SNX20: variants seen among roughly 807,000 people sequenced by gnomAD.
SNX20 encodes the protein sorting nexin 20, also known as sorting nexin-20.
In SNX20, 21 loss-of-function variants were observed where a neutral mutation model predicts 24.5. The observed-to-expected ratio is 0.86, with a 90% confidence interval of 0.61 to 1.23. SNX20 has a LOEUF of 1.23. SNX20 is among the 50% of genes most tolerant of loss of function. SNX20 has a pLI of 0.00. For synonymous variants in SNX20, 206 were observed against 192.8 expected (o/e 1.07, Z -0.57); for missense variants, 433 against 430.8 (o/e 1.00, Z -0.04).
chr16:50,667,963 G>T (rs1023055368), downstream of SNX20: 2 of 1,526,220 alleles, frequency 1.3e-6, no homozygotes, highest in Admixed American at 2.0e-5. Flanking sequence ...ACATACTGCG[G>T]CTTCAGGCTT....
At chr16:50,667,992 C>A, downstream of SNX20, 1 of 1,550,690 alleles carries the variant, frequency 6.4e-7, no homozygotes, top group South Asian at 1.2e-5. Context: ...CCAGAACGCT[C>A]GCTCCATCTG....
chr16:50,675,976 T>C, intron 2 of SNX20, 55 bp from the exon 3 acceptor site: 1 of 1,536,112 alleles, frequency 6.5e-7, no homozygotes, highest in East Asian at 2.3e-5. Flanking sequence ...TTCCGAGGCA[T>C]GGGCTTGGGG....
downstream of SNX20, chr16:50,668,974 C>T: frequency 3.2e-6 from 5 of 1,544,232 alleles, no homozygotes; most frequent in South Asian, 2.4e-5. Flanking sequence ...CACCCCTAGG[C>T]CCAGCTGGAT....
chr16:50,673,855 G>T lies in SNX20; in HGVS notation c.502C>A (p.Leu168Ile), dbSNP rs770169868. 1 of 1,604,464 alleles carries T rather than the reference G, an allele frequency of 6.2e-7. No homozygotes were observed. Among genetic ancestry groups the T allele is most frequent in the Admixed American group, 1.7e-5 (1 of 59,780 alleles). Residue 168 changes from leucine to isoleucine, a missense_variant, in exon 4 of 4, where the codon CTC becomes ATC. Transcript: ENST00000330943. The surrounding 1 kb of genome is among the most constrained non-coding windows in gnomAD (Gnocchi z 4.1). ...RRALQEYLGL[L>I]YAIRCVRRSR... ...CGGCGCACGCAGCGGATGGCGTAGA[G>T]CAGGCCCAGGTACTCCTGCAGGGCG...
At position 50,677,388 on chromosome 16, in the gene SNX20, C is replaced by T. The variant is rs1056474555; in HGVS notation, c.130+9G>A. 2.2e-5 allele frequency: 34 copies of T among 1,579,126 alleles called. No homozygotes were observed. The highest frequency in any genetic ancestry group is 2.8e-5 in the Non-Finnish European group (32 of 1,161,826). On this transcript the variant is annotated intron_variant, in intron 2 of 3. Transcript: ENST00000330943. ...CTCCCCCAGACCGAGTCTCAAGCCTCAAGCCCACCTAAGTGCCCGTCAGGT... is the reference window on the plus strand; with the variant it reads ...CTCCCCCAGACCGAGTCTCAAGCCTTAAGCCCACCTAAGTGCCCGTCAGGT...
At chr16:50,670,297 T>TTCAACACTGGGCTTC (rs1963014049), downstream of SNX20, 1 of 152,142 alleles carries the variant, frequency 6.6e-6, no homozygotes, top group Non-Finnish European at 1.5e-5. Flanking sequence ...TTCAAGTCAG[T>TTCAACACTGGGCTTC]TCAACACTGG....
At chr16:50,678,272 C>CAA (rs1204415212) in intron 1 of SNX20, among the ~76,000 whole-genome samples, 1 of 152,186 alleles carries the variant, frequency 6.6e-6, no homozygotes, top group East Asian at 1.9e-4. Context: ...ATCAATCAAT[C>CAA]AATAATCTAT....
intron 2 of SNX20, among the ~76,000 whole-genome samples, chr16:50,676,146 C>A (rs1298580806): frequency 6.6e-6 from 1 of 152,000 alleles, no homozygotes; most frequent in Non-Finnish European, 1.5e-5. Flanking sequence ...CCCAAATAGC[C>A]CATCACCCCC....
rs1232402501 is a variant in SNX20, at chr16:50,673,439, C to T, written c.918G>A (p.Leu306=). 1 of 1,588,756 alleles carries T rather than the reference C, an allele frequency of 6.3e-7. No homozygotes were observed. Among genetic ancestry groups the T allele is most frequent in the South Asian group, 1.1e-5 (1 of 87,978 alleles). The change falls in exon 4 of 4, where the codon CTG becomes CTA. Residue 306 remains leucine (L), a synonymous_variant. Transcript: ENST00000330943. This position sits in a 1 kb window ranked among gnomAD's most constrained non-coding sequence, Gnocchi z 4.1. The part of the protein sequence containing the change: ...LRRPTPRGIT[L]KELTVREYLH ...GGTATTCTCGCACAGTGAGCTCCTT[C>T]AGGGTGATGCCTCGGGGCGTGGGCC...
chr16:50,670,191 G>C (rs926222797), downstream of SNX20: 5 of 152,364 alleles, frequency 3.3e-5, no homozygotes, highest in African/African-American at 1.2e-4. Flanking sequence ...TGAGGCACCT[G>C]TATGGTAGAG....
In SNX20 at chr16:50,674,202, ATTGTTTGTTTGT is replaced by A. The variant is rs537431215; in HGVS notation, c.283-140_283-129del. ...TGAAAACGGGCGATCCTTATATGCA[ATTGTTTGTTTGT>A]TTGTTTGTTTGTTTGTTTATTTATT... On this transcript the variant is annotated intron_variant, in intron 3 of 3. Transcript: ENST00000330943. 256 of 1,066,942 alleles carry A rather than the reference ATTGTTTGTTTGT, an allele frequency of 2.4e-4. 1 individual carries two copies. The highest frequency in any genetic ancestry group is 1.9e-3 in the East Asian group (60 of 30,894). The allele number at this position is 1,066,942 out of a possible 1,614,324, so 66.1% of individuals were successfully genotyped here. A position where few individuals can be genotyped will look rare whatever the true frequency, so the allele number is the denominator to read the frequency against.
downstream of SNX20, chr16:50,667,845 G>A (rs1378085402): frequency 3.0e-6 from 2 of 674,732 alleles, no homozygotes; most frequent in Non-Finnish European, 5.1e-6. Flanking sequence ...GCCGAGCCTG[G>A]GAGCTGACAG....
In SNX20 at chr16:50,681,205, CTGTG is replaced by C. The variant is rs905568204; in HGVS notation, c.-29_-26del. ...AAATACTGACCTCCAGTCTCCAGGG[CTGTG>C]TGTGTCCAGGGGTCCGGGAGGAGTG... On this transcript the variant is annotated 5_prime_UTR_variant, in exon 1 of 4. Coordinates refer to ENST00000330943, the MANE Select transcript of SNX20 (RefSeq NM_182854.4). The C allele has an allele frequency of 1.3e-5, 2 of 152,608 alleles. No individual in the cohort carries two copies. The highest frequency in any genetic ancestry group is 2.9e-5 in the Non-Finnish European group (2 of 68,176). The allele number at this position is 152,608 out of a possible 1,614,324, so 9.5% of individuals were successfully genotyped here.
intron 1 of SNX20, among the ~76,000 whole-genome samples, chr16:50,678,682 G>A (rs978139142): frequency 2.0e-5 from 3 of 152,220 alleles, no homozygotes; most frequent in African/African-American, 7.2e-5. Flanking sequence ...ACTCAGGGAG[G>A]GAGAACAGGC....
downstream of SNX20, chr16:50,668,541 G>C (rs1962968109): frequency 2.0e-6 from 2 of 1,015,578 alleles, no homozygotes; most frequent in Non-Finnish European, 2.4e-6. Context: ...AAGTAAATGT[G>C]CATAAGTAAA....
Position 50,677,445 on chromosome 16 carries a change from G to T in SNX20, c.82C>A (p.Pro28Thr). Residue 28 changes from proline to threonine, a missense_variant, in exon 2 of 4, where the codon CCA becomes ACA. Coordinates refer to ENST00000330943, the MANE Select transcript of SNX20 (RefSeq NM_182854.4). ...QCTARTQQEA[P>T]ATGPDLPHPG... ...TGCGGGAGGTCGGGGCCAGTGGCTG[G>T]TGCTTCCTGCTGGGTCCTTGCCGTG... 6.2e-7 allele frequency: 1 copy of T among 1,609,532 alleles called. No homozygotes were observed. The highest frequency in any genetic ancestry group is 8.5e-7 in the Non-Finnish European group (1 of 1,177,770).
chr16:50,674,760 C>T (rs372342603), intron 3 of SNX20, among the ~76,000 whole-genome samples: 2 of 152,160 alleles, frequency 1.3e-5, no homozygotes, highest in Non-Finnish European at 1.5e-5. Flanking sequence ...ATTAGTTTTA[C>T]GTACAATATA....
Position 50,673,652 on chromosome 16 carries a change from C to T in SNX20, c.705G>A (p.Leu235=), listed in dbSNP as rs1157081826. Residue 235 remains leucine (L), a synonymous_variant, in exon 4 of 4, where the codon CTG becomes CTA. Coordinates refer to ENST00000330943, the MANE Select transcript of SNX20 (RefSeq NM_182854.4). The surrounding 1 kb of genome is among the most constrained non-coding windows in gnomAD (Gnocchi z 4.1). The part of the protein sequence containing the change: ...AAVPALCAVL[L]CHRDLDRPAE... Reference sequence around the variant, plus strand: ...CGGGGCGGTCGAGGTCGCGGTGGCACAGCAGCACGGCGCACAGGGCCGGGA... The same window carrying T: ...CGGGGCGGTCGAGGTCGCGGTGGCATAGCAGCACGGCGCACAGGGCCGGGA... 1 of 1,519,476 alleles carries T rather than the reference C, an allele frequency of 6.6e-7. No homozygotes were observed. The highest frequency in any genetic ancestry group is 2.5e-5 in the East Asian group (1 of 39,680). 94.1% of individuals were successfully genotyped at this position (1,519,476 alleles called of 1,614,324 possible).
chr16:50,676,735 T>C (rs35581802), intron 2 of SNX20, among the ~76,000 whole-genome samples: 2,527 of 152,368 alleles, frequency 0.017, 29 homozygotes, highest in Non-Finnish European at 0.026. Flanking sequence ...TGTTTCTCAC[T>C]GATCTGTTTC....
Sources: allele counts gnomAD v4.1 joint callset (sites outside exome capture counted in the v4.1 genomes callset), GRCh38; gene constraint gnomAD v4.1.1; non-coding constraint Gnocchi (gnomAD v3.1); transcripts MANE v1.5; gene names NCBI Gene and HGNC (gene_info 2026-07-23, HGNC 2026-07-21).